Variants in LDB3 observed in about 807,000 individuals in gnomAD.
The protein encoded by LDB3 is LIM domain-binding protein 3.
In LDB3, 49 loss-of-function variants were observed where a neutral mutation model predicts 69.0. That is an observed-to-expected ratio of 0.71 (90% CI 0.56 to 0.90). LDB3 has a LOEUF of 0.90. LDB3 is among the 40% of genes least tolerant of loss of function. LDB3 has a pLI of 0.00. For synonymous variants in LDB3, 387 were observed against 396.2 expected, an observed-to-expected ratio of 0.98 and a Z score of 0.28; for missense variants, 928 against 974.1, an observed-to-expected ratio of 0.95 and a Z score of 0.63.
Position 86,706,539 on chromosome 10 carries a change from T to C in LDB3, c.905T>C (p.Ile302Thr), listed in dbSNP as rs777489502. Residue 302 changes from isoleucine to threonine, a missense_variant, in exon 8 of 14, where the codon ATT becomes ACT. By Grantham distance (89) the Ile-to-Thr change is moderately conservative. Coordinates refer to ENST00000361373, the MANE Select transcript of LDB3 (RefSeq NM_007078.3). ...TGGTCCCGCCTCATCAGCACCCCTA[T>C]TGAGCATGCGCCGGTGTGCACCAGC... The part of the protein sequence containing the change: ...EEALRRSSTP[I>T]EHAPVCTSQA... 9.9e-6 allele frequency: 16 copies of C among 1,612,648 alleles called. No homozygotes were observed. Among genetic ancestry groups the C allele is most frequent in the South Asian group, 7.7e-5 (7 of 91,082 alleles).
chr10:86,677,349 G>A (rs998962631), intron 2 of LDB3, among the ~76,000 whole-genome samples: 3 of 152,190 alleles, frequency 2.0e-5, no homozygotes, highest in African/African-American at 7.2e-5. Flanking sequence ...TTTAGGGGTG[G>A]GGCTGCTAAT....
chr10:86,719,916 AAC>A (rs1847015714), intron 12 of LDB3, among the ~76,000 whole-genome samples: 2 of 152,250 alleles, frequency 1.3e-5, no homozygotes, highest in Non-Finnish European at 1.5e-5. Flanking sequence ...CAGAAAAGGT[AAC>A]ACAGACATGA....
chr10:86,718,798 T>A lies in LDB3; in HGVS notation c.1929T>A (p.Phe643Leu). 6.2e-7 allele frequency: 1 copy of A among 1,614,188 alleles called. No homozygotes were observed. The highest frequency in any genetic ancestry group is 1.3e-5 in the African/African-American group (1 of 75,042). Residue 643 changes from phenylalanine (F) to leucine (L), a missense_variant, in exon 12 of 14, where the codon TTT becomes TTA. By Grantham distance (22) the Phe-to-Leu change is conservative. Coordinates refer to ENST00000361373, the MANE Select transcript of LDB3 (RefSeq NM_007078.3). ...TCTGTGCGGCCTGCAAGAAGCCTTT[T>A]GGGAACAGCCTCTTCCACATGGAAG... ...CFVCAACKKPFGNSLFHMEDG... is the reference protein window; with the variant it reads ...CFVCAACKKPLGNSLFHMEDG...
At chr10:86,728,590 T>TTTTTTTTTGTTTTTTG (rs1847349127) in intron 13 of LDB3, among the ~76,000 whole-genome samples, 1 of 148,950 alleles carries the variant, frequency 6.7e-6, no homozygotes, top group African/African-American at 2.5e-5. Flanking sequence ...TCTTTTGTTT[T>TTTTTTTTTGTTTTTTG]TTTTTTTTTT....
intron 13 of LDB3, among the ~76,000 whole-genome samples, chr10:86,730,455 T>G (rs1455267012): frequency 6.6e-6 from 1 of 152,190 alleles, no homozygotes; most frequent in Non-Finnish European, 1.5e-5. Flanking sequence ...GGGCCCAGCT[T>G]ACATACTAGT....
At chr10:86,710,612 G>A (rs550888637) in intron 9 of LDB3, among the ~76,000 whole-genome samples, 1 of 152,320 alleles carries the variant, frequency 6.6e-6, no homozygotes, top group South Asian at 2.1e-4. Context: ...GCGAGATTTG[G>A]CCGCAGCCAT....
At chr10:86,690,157 G>A (rs1249559126) in intron 5 of LDB3, among the ~76,000 whole-genome samples, 1 of 152,150 alleles carries the variant, frequency 6.6e-6, no homozygotes, top group Non-Finnish European at 1.5e-5. Flanking sequence ...TCTCTGGATT[G>A]CAAAGCTCTG....
At position 86,679,337 on chromosome 10, in the gene LDB3, G is replaced by A. The variant is rs45481892; in HGVS notation, c.94-30G>A. ...CTTTCCTCAGGACCACCTTCCTTAT[G>A]CTCACCCCCCACCTCCACTATCCAA... On this transcript the variant is annotated intron_variant, in intron 2 of 13. Coordinates refer to ENST00000361373, the MANE Select transcript of LDB3 (RefSeq NM_007078.3). 2.5e-3 allele frequency: 4,004 copies of A among 1,613,932 alleles called. 13 individuals carry two copies. Among genetic ancestry groups the A allele is most frequent in the Non-Finnish European group, 3.2e-3 (3,763 of 1,180,000 alleles).
At chr10:86,680,257 G>T (rs907789393) in intron 4 of LDB3, 100 bp downstream of exon 4, 2 of 1,085,114 alleles carry the variant, frequency 1.8e-6, no homozygotes, top group East Asian at 5.1e-5. Flanking sequence ...ACTGGGATGA[G>T]GCCGTGGGAT....
At chr10:86,679,113 A>G (rs1478770496) in intron 2 of LDB3, among the ~76,000 whole-genome samples, 1 of 152,204 alleles carries the variant, frequency 6.6e-6, no homozygotes, top group African/African-American at 2.4e-5. Context: ...GAAGGAGCAT[A>G]CATTGCTTCC....
intron 5 of LDB3, among the ~76,000 whole-genome samples, chr10:86,686,796 G>C (rs1845493086): frequency 1.5e-5 from 2 of 130,082 alleles, no homozygotes; most frequent in Admixed American, 1.6e-4. Context: ...GACAAAGCGA[G>C]ACCCTGTATC....
At chr10:86,684,997 C>T (rs7893160) in intron 5 of LDB3, among the ~76,000 whole-genome samples, 100,250 of 152,084 alleles carry the variant, frequency 0.66, 33,447 homozygotes, top group South Asian at 0.76. Context: ...TCTCCCTGCG[C>T]CTGCTCGCTC....
chr10:86,706,097 CT>C lies in LDB3; in HGVS notation c.897-427del, dbSNP rs571774282. Among the ~76,000 whole-genome samples the C allele has an allele frequency of 2.5e-3, 377 of 152,292 alleles. 1 individual carries two copies. Among genetic ancestry groups the C allele is most frequent in the Non-Finnish European group, 4.6e-3 (315 of 68,024 alleles). On this transcript the variant is annotated intron_variant, in intron 7 of 13. Coordinates refer to ENST00000361373, the MANE Select transcript of LDB3 (RefSeq NM_007078.3). ...TTGACACTCAAATATCTTCACTCTG[CT>C]TTTTTTGCTGTATCATTCCTTCCCA...
intron 13 of LDB3, among the ~76,000 whole-genome samples, chr10:86,726,956 A>G (rs1471732267): frequency 2.0e-5 from 3 of 151,982 alleles, no homozygotes. Flanking sequence ...GAGGTAGGAA[A>G]CAGTCATCCC....
chr10:86,726,465 C>T (rs1847262611), intron 13 of LDB3: 1 of 593,612 alleles, frequency 1.7e-6, no homozygotes, highest in Non-Finnish European at 3.0e-6. Context: ...GGCTTTGTTA[C>T]TTTCCATTTC....
At chr10:86,695,236 G>A (rs534332444) in intron 7 of LDB3, among the ~76,000 whole-genome samples, 17 of 152,226 alleles carry the variant, frequency 1.1e-4, no homozygotes, top group Non-Finnish European at 1.6e-4. Flanking sequence ...CTGGGACCTC[G>A]AGGTCAAGTG....
Position 86,716,381 on chromosome 10 carries a change from A to G in LDB3, c.1286A>G (p.Tyr429Cys). The G allele has an allele frequency of 1.3e-6, 2 of 1,598,314 alleles. No homozygotes were observed. Among genetic ancestry groups the G allele is most frequent in the African/African-American group, 2.8e-5 (2 of 70,668 alleles). ...SPGANYSPTP[Y>C]TPSPAPAYTP... ...GGGGCCAATTACAGTCCCACTCCCT[A>G]CACCCCCTCCCCTGCCCCTGCCTAC... The change falls in exon 10 of 14, where the codon TAC (tyrosine) becomes TGC (cysteine). Residue 429 changes from tyrosine to cysteine, a missense_variant. Physicochemically the swap from Tyr to Cys is radical, Grantham distance 194. Coordinates refer to ENST00000361373, the MANE Select transcript of LDB3 (RefSeq NM_007078.3).
chr10:86,681,408 C>T lies in LDB3; in HGVS notation c.322-28C>T, dbSNP rs529189929. 5.0e-6 allele frequency: 8 copies of T among 1,598,974 alleles called. No individual in the cohort carries two copies. The South Asian group carries it at 8.8e-5, about 18-fold the overall frequency. ...GTGGCCTCTAACCGCTCTCTTCTCT[C>T]TCCCCTGCATGGCCTGCCCTGTGCC... On this transcript the variant is annotated intron_variant, in intron 4 of 13. Transcript: ENST00000361373.
At chr10:86,712,303 G>A (rs1846699507) in intron 9 of LDB3, among the ~76,000 whole-genome samples, 1 of 152,220 alleles carries the variant, frequency 6.6e-6, no homozygotes, top group Admixed American at 6.5e-5. Context: ...AGGTGGATCC[G>A]GGAGTCTGTA....
Sources: gnomAD v4.1 joint callset for allele counts (sites outside exome capture counted in the v4.1 genomes callset) on GRCh38, gnomAD v4.1.1 for gene constraint, MANE v1.5 for transcripts, NCBI Gene and HGNC (gene_info 2026-07-23, HGNC 2026-07-21) for gene names.